Variants in ATG4C observed in about 807,000 individuals in gnomAD.
The protein encoded by ATG4C is cysteine protease ATG4C.
Under a neutral mutation model 57.6 loss-of-function variants are expected in ATG4C, and 56 were observed. That is an observed-to-expected ratio of 0.97 (90% CI 0.78 to 1.21). ATG4C has a LOEUF of 1.21. Ranked by LOEUF, ATG4C falls within the 50% of genes most tolerant of loss-of-function variation. The pLI, the probability that ATG4C is intolerant of heterozygous loss-of-function variation, is 0.00. For missense variants in ATG4C, 595 were observed against 529.8 expected (o/e 1.12, Z -1.21); for synonymous variants, 157 against 174.1 (o/e 0.90, Z 0.78).
At chr1:62,816,435 CTTTAT>C (rs1665272425) in intron 3 of ATG4C, 135 bp from the exon 4 acceptor site, 1 of 610,324 alleles carries the variant, frequency 1.6e-6, no homozygotes, top group Non-Finnish European at 2.6e-6. Flanking sequence ...ATTTTCATAT[CTTTAT>C]TTTAAAAGAT....
At chr1:62,812,146 C>T (rs1665106341) in intron 3 of ATG4C, among the ~76,000 whole-genome samples, 1 of 151,862 alleles carries the variant, frequency 6.6e-6, no homozygotes, top group African/African-American at 2.4e-5. Flanking sequence ...TTAATATAGC[C>T]ACTTCACAGA....
intron 10 of ATG4C, among the ~76,000 whole-genome samples, chr1:62,850,854 GTATATATATA>G (rs1161449502): frequency 0.13 from 11,291 of 84,132 alleles, 1,342 homozygotes; most frequent in African/African-American, 0.27. Context: ...GTGTATGTAT[GTATATATATA>G]TATATATATA....
rs576213820 is a variant in ATG4C at position 62,799,044 on chromosome 1, C to T, written c.-68-4675C>T. 5.3e-5 allele frequency among the ~76,000 whole-genome samples: 8 copies of T among 152,156 alleles called. No individual in the cohort carries two copies. In the South Asian group the frequency reaches 1.7e-3, roughly 32 times the overall value. On this transcript the variant is annotated intron_variant, in intron 1 of 10. Coordinates refer to ENST00000317868, the MANE Select transcript of ATG4C (RefSeq NM_032852.4). ...GCCAGCTCAAGTGATCCCCCAACCTCACCAGTAGCTGGGACTGTAGGCACA... is the reference window on the plus strand; with the variant it reads ...GCCAGCTCAAGTGATCCCCCAACCTTACCAGTAGCTGGGACTGTAGGCACA...
chr1:62,801,561 A>G (rs1370263064), intron 1 of ATG4C, among the ~76,000 whole-genome samples: 1 of 152,158 alleles, frequency 6.6e-6, no homozygotes, highest in Non-Finnish European at 1.5e-5. Context: ...TCACGAGGTC[A>G]GGAGTTCAAG....
intron 2 of ATG4C, among the ~76,000 whole-genome samples, chr1:62,804,518 C>A (rs1258719312): frequency 2.6e-5 from 4 of 151,718 alleles, no homozygotes; most frequent in Admixed American, 1.3e-4. Flanking sequence ...TTTTCAGATA[C>A]AATTTCAGGC....
At chr1:62,830,651 A>C (rs1380584963) in intron 7 of ATG4C, among the ~76,000 whole-genome samples, 1 of 152,108 alleles carries the variant, frequency 6.6e-6, no homozygotes, top group Non-Finnish European at 1.5e-5. Flanking sequence ...TATGAGGAGA[A>C]GGAAATTTGA....
intron 10 of ATG4C, among the ~76,000 whole-genome samples, chr1:62,862,070 C>A (rs970700426): frequency 2.6e-5 from 4 of 152,058 alleles, no homozygotes; most frequent in Non-Finnish European, 5.9e-5. Context: ...TTTGGGTAAA[C>A]CTTTAATATA....
At chr1:62,862,398 G>C (rs1220479003) in intron 10 of ATG4C, among the ~76,000 whole-genome samples, 1 of 152,002 alleles carries the variant, frequency 6.6e-6, no homozygotes, top group Non-Finnish European at 1.5e-5. Context: ...ATCTGAAAAT[G>C]ATATGTGGAT....
At chr1:62,790,797 A>G (rs1378201969) in intron 1 of ATG4C, among the ~76,000 whole-genome samples, 1 of 152,218 alleles carries the variant, frequency 6.6e-6, no homozygotes, top group Non-Finnish European at 1.5e-5. Flanking sequence ...TAGGAGTGCA[A>G]GAAAAGTGAC....
chr1:62,797,395 A>C (rs572458734), intron 1 of ATG4C, among the ~76,000 whole-genome samples: 1 of 152,308 alleles, frequency 6.6e-6, no homozygotes, highest in South Asian at 2.1e-4. Context: ...CAAAGAGTTA[A>C]TAATTTGAGA....
chr1:62,850,529 C>A (rs1181743199), intron 10 of ATG4C, among the ~76,000 whole-genome samples: 1 of 152,048 alleles, frequency 6.6e-6, no homozygotes, highest in African/African-American at 2.4e-5. Context: ...CTCCCTGCTG[C>A]CTCTTTGAAC....
At chr1:62,822,080 G>A (rs1665500704) in intron 6 of ATG4C, among the ~76,000 whole-genome samples, 1 of 152,090 alleles carries the variant, frequency 6.6e-6, no homozygotes, top group Admixed American at 6.6e-5. Flanking sequence ...ATTAAAAATG[G>A]CTTAGCCACC....
intron 9 of ATG4C, among the ~76,000 whole-genome samples, chr1:62,839,077 G>A (rs943359066): frequency 6.6e-6 from 1 of 152,124 alleles, no homozygotes; most frequent in Non-Finnish European, 1.5e-5. Context: ...TTATTTTCTA[G>A]AGATGGAGTT....
At chr1:62,827,461 T>TC (rs1665699269) in intron 6 of ATG4C, among the ~76,000 whole-genome samples, 1 of 152,082 alleles carries the variant, frequency 6.6e-6, no homozygotes, top group Non-Finnish European at 1.5e-5. Context: ...TTAAATTGCC[T>TC]CCCCCTCAGC....
At chr1:62,840,882 C>G (rs1221506851) in intron 9 of ATG4C, among the ~76,000 whole-genome samples, 1 of 152,142 alleles carries the variant, frequency 6.6e-6, no homozygotes, top group African/African-American at 2.4e-5. Flanking sequence ...AAAGCACACT[C>G]AAAGAGAAAG....
chr1:62,825,992 C>A (rs1665637449), intron 6 of ATG4C, among the ~76,000 whole-genome samples: 2 of 152,108 alleles, frequency 1.3e-5, no homozygotes, highest in South Asian at 4.1e-4. Flanking sequence ...ACTGCAACCT[C>A]TGCCTCCCAG....
At chr1:62,797,541 A>G (rs887506247) in intron 1 of ATG4C, among the ~76,000 whole-genome samples, 2 of 152,138 alleles carry the variant, frequency 1.3e-5, no homozygotes, top group East Asian at 1.9e-4. Flanking sequence ...TCTTAGGTCT[A>G]GTAAGGTTGA....
chr1:62,859,296 T>G (rs1666775908), intron 10 of ATG4C, among the ~76,000 whole-genome samples: 1 of 152,196 alleles, frequency 6.6e-6, no homozygotes, highest in East Asian at 1.9e-4. Context: ...ATGGAAACAC[T>G]TCCGTCCTAA....
intron 1 of ATG4C, among the ~76,000 whole-genome samples, chr1:62,793,334 A>C (rs1283497521): frequency 1.3e-5 from 2 of 152,060 alleles, no homozygotes; most frequent in South Asian, 2.1e-4. Flanking sequence ...TACTAGTGCC[A>C]GGCACAGTGG....
Sources: gnomAD v4.1 joint callset for allele counts (sites outside exome capture counted in the v4.1 genomes callset) on GRCh38, gnomAD v4.1.1 for gene constraint, MANE v1.5 for transcripts, NCBI Gene and HGNC (gene_info 2026-07-23, HGNC 2026-07-21) for gene names.